The following CCDC183 variants were observed in gnomAD, a reference collection of about 807,000 sequenced individuals.
CCDC183 encodes the protein coiled-coil domain-containing protein 183.
A neutral mutation model predicts 65.2 loss-of-function variants in CCDC183; 63 were observed. That is an observed-to-expected ratio of 0.97 (90% CI 0.79 to 1.19). The LOEUF (loss-of-function observed/expected upper bound fraction) is 1.19. CCDC183 is among the 50% of genes most tolerant of loss of function. The probability of loss-of-function intolerance (pLI) is 0.00; values close to 1 mark genes in which losing one functional copy is unlikely to be tolerated. For synonymous variants in CCDC183, 323 were observed against 276.5 expected, an observed-to-expected ratio of 1.17 and a Z score of -1.67; for missense variants, 769 against 689.3, an observed-to-expected ratio of 1.12 and a Z score of -1.30.
At chr9:136,797,486 G>T (rs376213627) in intron 1 of CCDC183, among the ~76,000 whole-genome samples, 2 of 151,016 alleles carry the variant, frequency 1.3e-5, no homozygotes, top group African/African-American at 2.4e-5. Flanking sequence ...TTGCCCAGAC[G>T]GCAGTGCAGT....
At chr9:136,800,882 C>T in intron 5 of CCDC183, 1 of 217,980 alleles carries the variant, frequency 4.6e-6, no homozygotes, top group South Asian at 5.9e-5. Flanking sequence ...CCAGCCCACC[C>T]GCCCTGCTCC....
Position 136,800,034 on chromosome 9 carries a change from C to A in CCDC183, c.303C>A (p.Phe101Leu). 2.5e-6 allele frequency: 4 copies of A among 1,589,874 alleles called. No homozygotes were observed. The highest frequency in any genetic ancestry group is 3.4e-6 in the Non-Finnish European group (4 of 1,169,054). Residue 101 changes from phenylalanine (F) to leucine (L), a missense_variant, in exon 4 of 14, where the codon TTC becomes TTA. Phe to Leu is a conservative substitution (Grantham distance 22). Transcript: ENST00000338005. ...GGGAGAAGCTGCGCAAGTACGTCTT[C>A]GACCGCGTGAACATGCACAACCTAC... is the stretch of plus-strand genomic sequence containing the variant. ...VVREKLRKYV[F>L]DRVNMHNLLI...
chr9:136,799,356 G>T (rs949825716), intron 2 of CCDC183, 133 bp downstream of exon 2: 2 of 1,353,920 alleles, frequency 1.5e-6, no homozygotes, highest in South Asian at 3.0e-5. Flanking sequence ...GTGAGGAGGG[G>T]CTCTGCTAGG....
intron 5 of CCDC183, 21 bp downstream of exon 5, chr9:136,800,514 AGGGCGGGGGTCAG>A: frequency 8.0e-7 from 1 of 1,249,996 alleles, no homozygotes; most frequent in Non-Finnish European, 1.1e-6. Flanking sequence ...CGGCCCGGGA[AGGGCGGGGGTCAG>A]GGGCTGGGAT....
chr9:136,800,291 G>A, intron 4 of CCDC183, 98 bp from the exon 5 acceptor site: 1 of 1,444,480 alleles, frequency 6.9e-7, no homozygotes, highest in Non-Finnish European at 9.3e-7. Flanking sequence ...GAGGGGCGGG[G>A]CTAAGAGAGC....
Position 136,804,290 on chromosome 9 carries a change from G to A in CCDC183, c.667-212G>A. The A allele has an allele frequency of 4.9e-6, 3 of 608,856 alleles. No individual in the cohort carries two copies. In the South Asian group the frequency reaches 6.0e-5, roughly 12 times the overall value. The allele number at this position is 608,856 out of a possible 1,614,324, so 37.7% of individuals were successfully genotyped here. A position where few individuals can be genotyped will look rare whatever the true frequency, so the allele number is the denominator to read the frequency against. On this transcript the variant is annotated intron_variant, in intron 6 of 13. Coordinates refer to ENST00000338005, the MANE Select transcript of CCDC183 (RefSeq NM_001039374.5). This position sits in a 1 kb window ranked among gnomAD's most constrained non-coding sequence, Gnocchi z 4.1. ...GCGGCTGGAGGGCAGCAGAGCGTCT[G>A]GGCTGGCACATGCTCTGAGGCATGG...
At chr9:136,800,918 G>A (rs1289733049) in intron 5 of CCDC183, among the ~76,000 whole-genome samples, 2 of 152,214 alleles carry the variant, frequency 1.3e-5, no homozygotes, top group Non-Finnish European at 2.9e-5. Context: ...AAGGCAGCCA[G>A]CAGTCCGATT....
intron 2 of CCDC183, 72 bp downstream of exon 2, chr9:136,799,295 CGGG>C: frequency 1.9e-5 from 29 of 1,509,472 alleles, no homozygotes; most frequent in Non-Finnish European, 2.5e-5. Context: ...ACTCGGAGGG[CGGG>C]CACCTCCTCT....
At chr9:136,800,598 T>G (rs1361337260) in intron 5 of CCDC183, 105 bp downstream of exon 5, 2 of 787,342 alleles carry the variant, frequency 2.5e-6, no homozygotes, top group South Asian at 1.7e-5. Context: ...GAGAGGGAGC[T>G]CTGCCTGACC....
chr9:136,797,000 G>A (rs932439705), intron 1 of CCDC183, among the ~76,000 whole-genome samples: 5 of 152,130 alleles, frequency 3.3e-5, no homozygotes, highest in Non-Finnish European at 7.3e-5. Flanking sequence ...TTGCAGTTGA[G>A]ATAAGAGGAA....
chr9:136,799,411 T>A, intron 2 of CCDC183, 188 bp downstream of exon 2: 1 of 1,007,334 alleles, frequency 9.9e-7, no homozygotes, highest in Non-Finnish European at 1.4e-6. Flanking sequence ...GGTGGGCAGG[T>A]TTCCCACCAC....
Position 136,804,993 on chromosome 9 carries a change from G to C in CCDC183, c.847+177G>C. On this transcript the variant is annotated intron_variant, in intron 8 of 13. Coordinates refer to ENST00000338005, the MANE Select transcript of CCDC183 (RefSeq NM_001039374.5). This position sits in a 1 kb window ranked among gnomAD's most constrained non-coding sequence, Gnocchi z 4.1. ...GGCTGAGAGCCTGTAGCCAAATGTG[G>C]CCTCAGAGATGCTGGCCCCAGCACC... 1.6e-6 allele frequency: 1 copy of C among 625,702 alleles called. No homozygotes were observed. The highest frequency in any genetic ancestry group is 2.7e-5 in the East Asian group (1 of 36,528). The allele number at this position is 625,702 out of a possible 1,614,324, so 38.8% of individuals were successfully genotyped here.
At chr9:136,802,529 C>G (rs369051057) in intron 5 of CCDC183, 135 bp from the exon 6 acceptor site, 5 of 1,255,272 alleles carry the variant, frequency 4.0e-6, no homozygotes, top group Non-Finnish European at 5.5e-6. Flanking sequence ...TTGTGCCCAG[C>G]GGGGAGTGGG....
rs769654558 is a variant in CCDC183 at position 136,804,802 on chromosome 9, C to G, written c.833C>G (p.Thr278Arg). The change falls in exon 8 of 14, where the codon ACG (threonine) becomes AGG (arginine). Residue 278 changes from threonine to arginine, a missense_variant. Transcript: ENST00000338005. This position sits in a 1 kb window ranked among gnomAD's most constrained non-coding sequence, Gnocchi z 4.1. ...GACTTCCCCTCGAACCTGATGAGCA[C>G]GGAGACCCTGAAATGTAAGCGCTCA... is the stretch of plus-strand genomic sequence containing the variant. Reference protein sequence around the residue: ...DLDFPSNLMSTETLKLRRKET... With the variant: ...DLDFPSNLMSRETLKLRRKET... 1 of 1,613,844 alleles carries G rather than the reference C, an allele frequency of 6.2e-7. No individual in the cohort carries two copies. Among genetic ancestry groups the G allele is most frequent in the African/African-American group, 1.3e-5 (1 of 75,002 alleles).
chr9:136,799,675 A>C (rs1313942234), intron 2 of CCDC183, 38 bp from the exon 3 acceptor site: 1 of 1,591,648 alleles, frequency 6.3e-7, no homozygotes, highest in East Asian at 2.3e-5. Flanking sequence ...GCGGGTGCGC[A>C]AAGGGCCCGC....
Position 136,806,650 on chromosome 9 carries a change from G to C in CCDC183, c.1256G>C (p.Gly419Ala), listed in dbSNP as rs746366677. The C allele has an allele frequency of 5.0e-6, 8 of 1,613,510 alleles. No homozygotes were observed. In the East Asian group the frequency reaches 1.8e-4, roughly 36 times the overall value. ...GACAACCTCTATGTCCGGCTGATGG[G>C]CATTAACTTGCCTGCGACCCAGGTA... Reference protein sequence around the residue: ...GIDNLYVRLMGINLPATQREV... With the variant: ...GIDNLYVRLMAINLPATQREV... The change falls in exon 11 of 14, where the codon GGC (glycine) becomes GCC (alanine). Residue 419 changes from glycine to alanine, a missense_variant. Physicochemically the swap from Gly to Ala is moderately conservative, Grantham distance 60 (BLOSUM62 0). Coordinates refer to ENST00000338005, the MANE Select transcript of CCDC183 (RefSeq NM_001039374.5).
intron 5 of CCDC183, chr9:136,800,866 T>G: frequency 4.9e-6 from 1 of 203,918 alleles, no homozygotes; most frequent in Non-Finnish European, 1.0e-5. Context: ...CTTGCTGCCG[T>G]CCCAGCCAGC....
intron 9 of CCDC183, 39 bp downstream of exon 9, chr9:136,805,496 G>A: frequency 1.3e-6 from 2 of 1,581,982 alleles, no homozygotes; most frequent in Non-Finnish European, 1.7e-6. Flanking sequence ...GCAGGAGGGT[G>A]GCTGAGCCTC....
chr9:136,807,539 G>A, intron 13 of CCDC183, 33 bp from the exon 14 acceptor site: 2 of 1,562,436 alleles, frequency 1.3e-6, no homozygotes, highest in Non-Finnish European at 1.7e-6. Context: ...AGCTGGGCTA[G>A]CCCCGTGTGC....
Sources: allele counts gnomAD v4.1 joint callset (sites outside exome capture counted in the v4.1 genomes callset), GRCh38; gene constraint gnomAD v4.1.1; non-coding constraint Gnocchi (gnomAD v3.1); transcripts MANE v1.5; gene names NCBI Gene and HGNC (gene_info 2026-07-23, HGNC 2026-07-21).